SLC4A7: variants seen among roughly 807,000 people sequenced by gnomAD.
SLC4A7 encodes the protein sodium bicarbonate cotransporter 3.
In SLC4A7, 51 loss-of-function variants were observed where a neutral mutation model predicts 137.6. The ratio of observed to expected loss-of-function variants is 0.37; its 90% CI spans 0.30 to 0.47. The LOEUF (loss-of-function observed/expected upper bound fraction) is 0.47, where lower values mean the gene tolerates loss of function less well. Ranked by LOEUF, SLC4A7 falls within the 20% of genes least tolerant of loss-of-function variation. The pLI is 1.00. For synonymous variants in SLC4A7, 542 were observed against 518.6 expected (o/e 1.05, Z -0.61); for missense variants, 1,247 against 1,525.4 (o/e 0.82, Z 3.04).
intron 1 of SLC4A7, among the ~76,000 whole-genome samples, chr3:27,475,189 T>C (rs150628007): frequency 3.3e-5 from 5 of 152,028 alleles, no homozygotes; most frequent in African/African-American, 9.7e-5. Flanking sequence ...ACAGTCAAGA[T>C]TTTTTTCTCT....
Position 27,441,060 on chromosome 3 carries a change from C to CA in SLC4A7, c.290-3535dup, listed in dbSNP as rs143346960. ...GACTCCGTCTCAAAAAAATATATAA[C>CA]AAAAAAAATTAACCTAATCACATCA... On this transcript the variant is annotated intron_variant, in intron 3 of 25. Coordinates refer to ENST00000454389, the MANE Select transcript of SLC4A7 (RefSeq NM_001321103.2). Among the ~76,000 whole-genome samples, 221 of 152,042 alleles carry CA rather than the reference C, an allele frequency of 1.5e-3. 6 individuals are homozygous for CA. In the East Asian group the frequency reaches 0.037, roughly 25 times the overall value.
rs1267028862 is a variant in SLC4A7 at position 27,412,200 on chromosome 3, G to A, written c.1660-452C>T. ...AAAGTATTTCCCTTAAAAAATAAGA[G>A]CTGTTTGATAAACATGTTCCCACAA... On this transcript the variant is annotated intron_variant, in intron 11 of 25. Coordinates refer to ENST00000454389, the MANE Select transcript of SLC4A7 (RefSeq NM_001321103.2). Among the ~76,000 whole-genome samples the A allele has an allele frequency of 6.6e-5, 10 of 152,096 alleles. No homozygotes were observed. The East Asian group carries it at 1.9e-3, about 29-fold the overall frequency.
intron 3 of SLC4A7, among the ~76,000 whole-genome samples, chr3:27,445,880 T>G (rs1175536167): frequency 7.9e-6 from 1 of 127,156 alleles, no homozygotes; most frequent in Non-Finnish European, 1.5e-5. Flanking sequence ...TGCAGTGAGC[T>G]GAGATCGTGC....
Position 27,404,797 on chromosome 3 carries a change from C to T in SLC4A7, c.2075+33G>A, listed in dbSNP as rs779927447. ...AGTTAATAAACAATTTCATATATAA[C>T]ACATGTGATAAGTAGAGAGGGCTAT... On this transcript the variant is annotated intron_variant, in intron 14 of 25. Coordinates refer to ENST00000454389, the MANE Select transcript of SLC4A7 (RefSeq NM_001321103.2). 1.6e-5 allele frequency: 24 copies of T among 1,497,362 alleles called. 1 individual carries two copies. In the South Asian group the frequency reaches 2.9e-4, roughly 18 times the overall value. 92.8% of individuals were successfully genotyped at this position (1,497,362 alleles called of 1,614,324 possible).
rs2050898451 is a variant in SLC4A7 at position 27,385,935 on chromosome 3, C to A, written c.3449G>T (p.Ser1150Ile). Residue 1150 changes from serine (S) to isoleucine (I), a missense_variant, in exon 23 of 26, where the codon AGT becomes ATT. Physicochemically the swap from Ser to Ile is moderately radical, Grantham distance 142. Coordinates refer to ENST00000454389, the MANE Select transcript of SLC4A7 (RefSeq NM_001321103.2). ...LSWLDDLMPE[S>I]KKKKEDDKKK... The stretch of plus-strand genomic sequence containing the variant: ...TTTGTCATCTTCTTTCTTTTTCTTA[C>A]TTTCTGGCATAAGATCATCAAGCCA... 6.3e-7 allele frequency: 1 copy of A among 1,589,512 alleles called. No homozygotes were observed. Among genetic ancestry groups the A allele is most frequent in the Admixed American group, 1.7e-5 (1 of 58,196 alleles).
intron 1 of SLC4A7, among the ~76,000 whole-genome samples, chr3:27,455,740 C>T (rs556568877): frequency 1.3e-5 from 2 of 151,884 alleles, no homozygotes; most frequent in African/African-American, 4.8e-5. Flanking sequence ...TAGCTGAGTG[C>T]GGTGGAGCAT....
Position 27,475,973 on chromosome 3 carries a change from T to C in SLC4A7, c.60+8094A>G, listed in dbSNP as rs531610009. Among the ~76,000 whole-genome samples the C allele has an allele frequency of 3.9e-5, 6 of 152,204 alleles. No homozygotes were observed. In the East Asian group the frequency reaches 1.2e-3, roughly 29 times the overall value. On this transcript the variant is annotated intron_variant, in intron 1 of 25. Coordinates refer to ENST00000454389, the MANE Select transcript of SLC4A7 (RefSeq NM_001321103.2). ...TTAAAAGCAGATGAACAGAAAGAAA[T>C]TATATTATGTAAGTAATAATTGTAA...
intron 1 of SLC4A7, among the ~76,000 whole-genome samples, chr3:27,470,476 T>C (rs2059192036): frequency 6.6e-6 from 1 of 151,924 alleles, no homozygotes; most frequent in African/African-American, 2.4e-5. Context: ...AACATTTTAA[T>C]GAATATATAT....
chr3:27,471,229 A>C (rs2059232539), intron 1 of SLC4A7, among the ~76,000 whole-genome samples: 1 of 152,230 alleles, frequency 6.6e-6, no homozygotes, highest in African/African-American at 2.4e-5. Context: ...AATTATTAAT[A>C]AATCACAACC....
At chr3:27,411,786 T>G (rs1334003355) in intron 11 of SLC4A7, 38 bp from the exon 12 acceptor site, 1 of 1,220,440 alleles carries the variant, frequency 8.2e-7, no homozygotes, top group Non-Finnish European at 1.1e-6. Context: ...AGAATTCTAT[T>G]TTAAGAAAAC....
chr3:27,379,691 G>A (rs1221854583), intron 24 of SLC4A7, among the ~76,000 whole-genome samples: 5 of 150,808 alleles, frequency 3.3e-5, no homozygotes, highest in Non-Finnish European at 7.4e-5. Context: ...ATACGACTAT[G>A]TTAATGTGCT....
intron 20 of SLC4A7, 30 bp downstream of exon 20, chr3:27,394,488 T>C (rs1487212729): frequency 1.3e-6 from 2 of 1,577,650 alleles, no homozygotes; most frequent in African/African-American, 1.4e-5. Context: ...TATAATAAGA[T>C]TGTAAAACAC....
intron 7 of SLC4A7, among the ~76,000 whole-genome samples, chr3:27,425,409 G>A (rs938986450): frequency 2.8e-5 from 4 of 142,066 alleles, no homozygotes; most frequent in African/African-American, 1.0e-4. Flanking sequence ...AGGCGCTGTG[G>A]CTCACCCCTG....
At chr3:27,414,116 T>C (rs1576309205) in intron 11 of SLC4A7, among the ~76,000 whole-genome samples, 1 of 151,810 alleles carries the variant, frequency 6.6e-6, no homozygotes, top group Non-Finnish European at 1.5e-5. Context: ...CCCATCTCTA[T>C]TAAAAATACA....
chr3:27,421,738 C>T lies in SLC4A7; in HGVS notation c.1308G>A (p.Glu436=), dbSNP rs79251239. 0.19 allele frequency: 308,128 copies of T among 1,611,910 alleles called. 33,642 individuals are homozygous for T. The highest frequency in any genetic ancestry group is 0.23 in the Non-Finnish European group (266,144 of 1,178,184). Residue 436 remains glutamate (E), a synonymous_variant, in exon 9 of 26, where the codon GAG becomes GAA. Transcript: ENST00000454389. ...CTTCGCCCACCAGGACGTTGGATGC[C>T]TCAGCACCCGTAGGAATTTTTCTCA... ...NFMRKIPTGA[E]ASNVLVGEVD... is the part of the protein sequence containing the mutation.
chr3:27,450,245 C>T (rs1379509738), intron 2 of SLC4A7, among the ~76,000 whole-genome samples: 1 of 152,072 alleles, frequency 6.6e-6, no homozygotes, highest in Non-Finnish European at 1.5e-5. Flanking sequence ...ATGGTAAGTA[C>T]TCGATAAATG....
intron 3 of SLC4A7, among the ~76,000 whole-genome samples, chr3:27,440,139 C>G (rs1472577203): frequency 6.6e-6 from 1 of 152,108 alleles, no homozygotes; most frequent in Non-Finnish European, 1.5e-5. Flanking sequence ...CAAATTTATT[C>G]TCTTACAGTT....
chr3:27,463,346 C>G (rs940318253), intron 1 of SLC4A7, among the ~76,000 whole-genome samples: 2 of 152,144 alleles, frequency 1.3e-5, no homozygotes, highest in African/African-American at 2.4e-5. Flanking sequence ...AAGAGAATAG[C>G]GTGGACCCGG....
chr3:27,390,686 T>C (rs2051447831), intron 21 of SLC4A7, among the ~76,000 whole-genome samples: 1 of 152,168 alleles, frequency 6.6e-6, no homozygotes, highest in Non-Finnish European at 1.5e-5. Context: ...GAAGAGTAGG[T>C]CCTGGATGGT....
Sources: allele counts gnomAD v4.1 joint callset (sites outside exome capture counted in the v4.1 genomes callset), GRCh38; gene constraint gnomAD v4.1.1; transcripts MANE v1.5; gene names NCBI Gene and HGNC (gene_info 2026-07-23, HGNC 2026-07-21).